Variants in CLSTN2 observed in about 807,000 individuals in gnomAD.
The protein encoded by CLSTN2 is calsyntenin 2.
A neutral mutation model predicts 101.2 loss-of-function variants in CLSTN2; 48 were observed. That is an observed-to-expected ratio of 0.47 (90% confidence interval 0.38 to 0.60). CLSTN2 has a LOEUF of 0.60. CLSTN2 is among the 20% of genes least tolerant of loss of function. The pLI, the probability that CLSTN2 is intolerant of heterozygous loss-of-function variation, is 0.00. For missense variants in CLSTN2, 1,160 were observed against 1,238.2 expected, an observed-to-expected ratio of 0.94 and a Z score of 0.95; for synonymous variants, 481 against 463.6, an observed-to-expected ratio of 1.04 and a Z score of -0.48.
rs113958765 is a variant in CLSTN2, at chr3:140,435,309, A to T, written c.788-13210A>T. Among the ~76,000 whole-genome samples the T allele has an allele frequency of 2.6e-3, 393 of 152,324 alleles. 3 individuals are homozygous for T. Among genetic ancestry groups the T allele is most frequent in the African/African-American group, 8.5e-3 (354 of 41,560 alleles). The stretch of plus-strand genomic sequence containing the variant: ...TTTTAGATCCCACAAATAAGTGAGA[A>T]TATGCAATGTTTGTCTTTCTGTGCT... On this transcript the variant is annotated intron_variant, in intron 5 of 16. Coordinates refer to ENST00000458420, the MANE Select transcript of CLSTN2 (RefSeq NM_022131.3).
chr3:140,254,359 G>T (rs777297199), intron 2 of CLSTN2, among the ~76,000 whole-genome samples: 9 of 152,108 alleles, frequency 5.9e-5, no homozygotes, highest in Non-Finnish European at 1.2e-4. Context: ...GGTGACTTCA[G>T]GGTTCTATGA....
At chr3:140,233,602 A>G (rs2086390246) in intron 2 of CLSTN2, among the ~76,000 whole-genome samples, 1 of 152,188 alleles carries the variant, frequency 6.6e-6, no homozygotes, top group East Asian at 1.9e-4. Flanking sequence ...CAAAGGGCCC[A>G]TCTAACAGGA....
chr3:140,069,490 G>A (rs765864688), intron 1 of CLSTN2, among the ~76,000 whole-genome samples: 3 of 152,196 alleles, frequency 2.0e-5, no homozygotes, highest in East Asian at 1.9e-4. Flanking sequence ...ATGGAGGCTG[G>A]TTGATGCTAG....
intron 1 of CLSTN2, among the ~76,000 whole-genome samples, chr3:139,975,533 A>G (rs543948585): frequency 6.6e-6 from 1 of 152,332 alleles, no homozygotes; most frequent in African/African-American, 2.4e-5. Context: ...CGAGAGGCTG[A>G]TGGAGGCATC....
intron 1 of CLSTN2, among the ~76,000 whole-genome samples, chr3:140,151,899 A>G (rs56865323): frequency 0.015 from 2,264 of 152,246 alleles, 61 homozygotes; most frequent in African/African-American, 0.052. Context: ...CAATATACAG[A>G]TGTGCTGAGA....
intron 2 of CLSTN2, among the ~76,000 whole-genome samples, chr3:140,253,510 C>G (rs1424723212): frequency 6.6e-6 from 1 of 152,114 alleles, no homozygotes; most frequent in African/African-American, 2.4e-5. Context: ...CTTTAAAAAC[C>G]CAAAAACAGC....
At chr3:140,032,267 G>T (rs534624530) in intron 1 of CLSTN2, among the ~76,000 whole-genome samples, 2 of 143,944 alleles carry the variant, frequency 1.4e-5, no homozygotes, top group Admixed American at 6.9e-5. Context: ...TGCTTAAAAT[G>T]TATTCTTATT....
Position 140,399,832 on chromosome 3 carries a change from C to A in CLSTN2, c.233-3797C>A, listed in dbSNP as rs577624702. ...GTCACCAAGAAAGTGAGCATAGTAC[C>A]CAATAGGTAGTTTTCCTGACCTTGC... On this transcript the variant is annotated intron_variant, in intron 2 of 16. Coordinates refer to ENST00000458420, the MANE Select transcript of CLSTN2 (RefSeq NM_022131.3). Among the ~76,000 whole-genome samples the A allele has an allele frequency of 3.9e-5, 6 of 151,976 alleles. No individual in the cohort carries two copies. In the South Asian group the frequency reaches 1.3e-3, roughly 32 times the overall value.
At chr3:140,410,994 CA>C (rs2088357269) in intron 4 of CLSTN2, among the ~76,000 whole-genome samples, 1 of 151,936 alleles carries the variant, frequency 6.6e-6, no homozygotes, top group South Asian at 2.1e-4. Context: ...TATCAAGTCA[CA>C]AAAGAAGACA....
chr3:140,425,391 T>A (rs529928120), intron 5 of CLSTN2, among the ~76,000 whole-genome samples: 92 of 152,350 alleles, frequency 6.0e-4, no homozygotes, highest in African/African-American at 1.9e-3. Flanking sequence ...AGAAGAGGCT[T>A]TCTCTGAATG....
chr3:140,545,715 G>C (rs1053498099), intron 9 of CLSTN2, among the ~76,000 whole-genome samples: 1 of 152,154 alleles, frequency 6.6e-6, no homozygotes, highest in East Asian at 1.9e-4. Context: ...TTCCAAGCTG[G>C]CATGGCAACA....
intron 2 of CLSTN2, among the ~76,000 whole-genome samples, chr3:140,191,494 T>C (rs1165840754): frequency 6.6e-6 from 1 of 151,994 alleles, no homozygotes; most frequent in African/African-American, 2.4e-5. Context: ...TTTCATTAAA[T>C]GTTTGTTAAA....
intron 1 of CLSTN2, among the ~76,000 whole-genome samples, chr3:139,975,953 A>C (rs1387115261): frequency 1.3e-5 from 2 of 152,360 alleles, no homozygotes; most frequent in Admixed American, 1.3e-4. Context: ...TGAGGCAGGT[A>C]CTAGTACAGA....
intron 4 of CLSTN2, among the ~76,000 whole-genome samples, chr3:140,415,486 C>CAAAAAAAAAAAAAAAAAAAAAAACAA (rs2088419419): frequency 1.8e-5 from 1 of 56,868 alleles, no homozygotes; most frequent in Non-Finnish European, 3.0e-5. Context: ...CACAAAATAG[C>CAAAAAAAAAAAAAAAAAAAAAAACAA]AAAAAAAAAA....
At chr3:140,087,175 A>G (rs2107783848) in intron 1 of CLSTN2, among the ~76,000 whole-genome samples, 1 of 152,216 alleles carries the variant, frequency 6.6e-6, no homozygotes, top group African/African-American at 2.4e-5. Flanking sequence ...CGGTGTCTTG[A>G]GACCAACCAG....
intron 6 of CLSTN2, among the ~76,000 whole-genome samples, chr3:140,453,561 T>C (rs937310312): frequency 6.6e-6 from 1 of 152,224 alleles, no homozygotes; most frequent in Non-Finnish European, 1.5e-5. Context: ...AGGGCAACTA[T>C]AGTAATAATA....
At chr3:140,381,108 T>A (rs147238065) in intron 2 of CLSTN2, among the ~76,000 whole-genome samples, 1,654 of 152,332 alleles carry the variant, frequency 0.011, 13 homozygotes, top group Non-Finnish European at 0.016. Flanking sequence ...TCTTTCCTCG[T>A]CTGTTCTAAC....
chr3:140,135,117 C>CACACACACATATATAT (rs1488268767), intron 1 of CLSTN2, among the ~76,000 whole-genome samples: 1 of 58,120 alleles, frequency 1.7e-5, no homozygotes, highest in Non-Finnish European at 3.0e-5. Flanking sequence ...CACACACACA[C>CACACACACATATATAT]ATATATATAT....
intron 8 of CLSTN2, chr3:140,507,375 G>A (rs2107765645): frequency 6.6e-6 from 1 of 152,292 alleles, no homozygotes; most frequent in South Asian, 2.1e-4. Flanking sequence ...GAACCTGAGG[G>A]GTCGGGTTCC....
Sources: allele counts gnomAD v4.1 joint callset (sites outside exome capture counted in the v4.1 genomes callset), GRCh38; gene constraint gnomAD v4.1.1; transcripts MANE v1.5; gene names NCBI Gene and HGNC (gene_info 2026-07-23, HGNC 2026-07-21).